The following ORC4 variants were observed in gnomAD, a reference collection of about 807,000 sequenced individuals.
ORC4 encodes the protein origin recognition complex subunit 4.
Under a neutral mutation model 63.9 loss-of-function variants are expected in ORC4, and 55 were observed. The observed-to-expected ratio is 0.86, with a 90% confidence interval of 0.69 to 1.08. The LOEUF (loss-of-function observed/expected upper bound fraction) is 1.08, where lower values mean the gene tolerates loss of function less well. Among genes scored for constraint, ORC4 ranks in the 50% least tolerant of loss-of-function variants. The pLI is 0.00. For missense variants in ORC4, 511 were observed against 504.4 expected, an observed-to-expected ratio of 1.01 and a Z score of -0.13; for synonymous variants, 150 against 168.5, an observed-to-expected ratio of 0.89 and a Z score of 0.85.
rs1687817200 is a variant in ORC4, at chr2:147,932,372, C to T, written c.*3138G>A. 1 of 152,038 alleles carries T rather than the reference C, an allele frequency of 6.6e-6. No individual in the cohort carries two copies. The highest frequency in any genetic ancestry group is 1.5e-5 in the Non-Finnish European group (1 of 68,024). 9.4% of individuals were successfully genotyped at this position (152,038 alleles called of 1,614,324 possible). On this transcript the variant is annotated 3_prime_UTR_variant, in exon 14 of 14. Transcript: ENST00000392857. ...GAAGAATCAATATTGTGAAAATGGC[C>T]ATACTGCCCAAGGTAATTTACAGAT...
chr2:147,966,455 G>T (rs1481093836), intron 4 of ORC4, among the ~76,000 whole-genome samples: 1 of 151,768 alleles, frequency 6.6e-6, no homozygotes, highest in Admixed American at 6.6e-5. Flanking sequence ...AAAAATCACT[G>T]AAACAAAAGT....
intron 1 of ORC4, among the ~76,000 whole-genome samples, chr2:148,013,478 TTAGA>T (rs1022991735): frequency 8.5e-5 from 13 of 152,064 alleles, no homozygotes; most frequent in Admixed American, 2.0e-4. Context: ...AAAAATATAG[TTAGA>T]TAGAAGGAAT....
intron 10 of ORC4, among the ~76,000 whole-genome samples, chr2:147,940,407 G>A (rs1340443464): frequency 6.6e-6 from 1 of 151,976 alleles, no homozygotes; most frequent in African/African-American, 2.4e-5. Flanking sequence ...CCACTACAGG[G>A]CATCTACCCA....
intron 13 of ORC4, chr2:147,936,531 G>A (rs1688059893): frequency 6.6e-6 from 1 of 151,990 alleles, no homozygotes; most frequent in African/African-American, 2.4e-5. Context: ...AAACATCACT[G>A]GAACATATTC....
chr2:147,962,847 C>T (rs1689678357), intron 4 of ORC4, among the ~76,000 whole-genome samples: 1 of 152,100 alleles, frequency 6.6e-6, no homozygotes, highest in Non-Finnish European at 1.5e-5. Context: ...GTCCTGTGCC[C>T]ACAATCAGAG....
chr2:147,941,289 T>C (rs568741662), intron 10 of ORC4, among the ~76,000 whole-genome samples: 2 of 152,136 alleles, frequency 1.3e-5, no homozygotes, highest in East Asian at 3.9e-4. Context: ...TAAACAAGAC[T>C]GCAATAAACA....
Position 147,992,401 on chromosome 2 carries a change from T to A in ORC4, c.-17-16426A>T, listed in dbSNP as rs73005167. ...CCTCCTAAATAGCTGGGATTACAAG[T>A]GTGAGGTACTGCCCCTGACAAAAAT... On this transcript the variant is annotated intron_variant, in intron 1 of 13. Transcript: ENST00000392857. Among the ~76,000 whole-genome samples, 993 of 152,174 alleles carry A rather than the reference T, an allele frequency of 6.5e-3. 9 individuals carry two copies. The highest frequency in any genetic ancestry group is 0.023 in the African/African-American group (956 of 41,516).
At chr2:148,019,711 C>A (rs953284744) in intron 1 of ORC4, among the ~76,000 whole-genome samples, 1 of 152,198 alleles carries the variant, frequency 6.6e-6, no homozygotes, top group Non-Finnish European at 1.5e-5. Flanking sequence ...TTCAAAATAT[C>A]TTTACAAAAC....
intron 1 of ORC4, among the ~76,000 whole-genome samples, chr2:147,989,786 GT>G (rs1691469383): frequency 6.6e-6 from 1 of 152,046 alleles, no homozygotes; most frequent in Non-Finnish European, 1.5e-5. Flanking sequence ...TTTATATCAA[GT>G]TTTTCTTAGT....
chr2:148,002,822 G>A (rs951122802), intron 1 of ORC4, among the ~76,000 whole-genome samples: 4 of 152,130 alleles, frequency 2.6e-5, no homozygotes, highest in African/African-American at 9.7e-5. Context: ...AATGAATCCA[G>A]GAGCTGCTTT....
chr2:147,998,181 A>C (rs903719472), intron 1 of ORC4, among the ~76,000 whole-genome samples: 2 of 152,238 alleles, frequency 1.3e-5, no homozygotes, highest in Admixed American at 1.3e-4. Context: ...CAATACAAAA[A>C]AGAAACAAAG....
At chr2:147,981,704 G>GA (rs1343975783) in intron 1 of ORC4, among the ~76,000 whole-genome samples, 5 of 148,694 alleles carry the variant, frequency 3.4e-5, no homozygotes, top group African/African-American at 7.5e-5. Flanking sequence ...TCATCAATTA[G>GA]AAAAAAAACA....
At chr2:147,988,026 C>G (rs1302988228) in intron 1 of ORC4, among the ~76,000 whole-genome samples, 1 of 147,298 alleles carries the variant, frequency 6.8e-6, no homozygotes, top group Non-Finnish European at 1.5e-5. Context: ...GCACTCCAGC[C>G]TGGGCAACAG....
chr2:147,938,738 T>G (rs1302191602), intron 11 of ORC4: 11 of 333,178 alleles, frequency 3.3e-5, no homozygotes, highest in South Asian at 2.2e-4. Context: ...TTGCGTAGGA[T>G]TTATCTAGAG....
intron 1 of ORC4, among the ~76,000 whole-genome samples, chr2:147,976,830 A>G (rs996440635): frequency 3.9e-5 from 6 of 152,184 alleles, no homozygotes; most frequent in African/African-American, 7.2e-5. Flanking sequence ...TAAGCATTGT[A>G]GCATAATGCC....
At chr2:148,002,289 C>T (rs1332254471) in intron 1 of ORC4, among the ~76,000 whole-genome samples, 1 of 152,164 alleles carries the variant, frequency 6.6e-6, no homozygotes, top group African/African-American at 2.4e-5. Flanking sequence ...GAACTCTCCA[C>T]CCCAAATCAA....
chr2:147,946,700 C>T (rs576604314), intron 9 of ORC4, among the ~76,000 whole-genome samples: 1 of 151,836 alleles, frequency 6.6e-6, no homozygotes, highest in Non-Finnish European at 1.5e-5. Flanking sequence ...TTTTTACATA[C>T]AATTATGTAT....
rs533705557 is a variant in ORC4 at position 147,934,425 on chromosome 2, T to G, written c.*1085A>C. 6.6e-6 allele frequency: 1 copy of G among 152,320 alleles called. No homozygotes were observed. Among genetic ancestry groups the G allele is most frequent in the East Asian group, 1.9e-4 (1 of 5,182 alleles). 9.4% of individuals were successfully genotyped at this position (152,320 alleles called of 1,614,324 possible). A position where few individuals can be genotyped will look rare whatever the true frequency, so the allele number is the denominator to read the frequency against. The stretch of plus-strand genomic sequence containing the variant: ...CCACATTCCTCATAGGGATTTACTT[T>G]TTAATACAAACAGGTTCAGTTAACA... On this transcript the variant is annotated 3_prime_UTR_variant, in exon 14 of 14. Coordinates refer to ENST00000392857, the MANE Select transcript of ORC4 (RefSeq NM_181741.4).
rs368356465 is a variant in ORC4 at position 147,933,017 on chromosome 2, A to G, written c.*2493T>C. The G allele has an allele frequency of 5.3e-5, 8 of 152,056 alleles. No homozygotes were observed. In the East Asian group the frequency reaches 1.5e-3, roughly 29 times the overall value. 9.4% of individuals were successfully genotyped at this position (152,056 alleles called of 1,614,324 possible). A position where few individuals can be genotyped will look rare whatever the true frequency, so the allele number is the denominator to read the frequency against. Reference sequence around the variant, plus strand: ...GTATTCATTCCCCAGAGCCTTTCACATGCACGAGAATCAGTCATTTTAACA... The same window carrying G: ...GTATTCATTCCCCAGAGCCTTTCACGTGCACGAGAATCAGTCATTTTAACA... On this transcript the variant is annotated 3_prime_UTR_variant, in exon 14 of 14. Coordinates refer to ENST00000392857, the MANE Select transcript of ORC4 (RefSeq NM_181741.4).
Sources: gnomAD v4.1 joint callset for allele counts (sites outside exome capture counted in the v4.1 genomes callset) on GRCh38, gnomAD v4.1.1 for gene constraint, MANE v1.5 for transcripts, NCBI Gene and HGNC (gene_info 2026-07-23, HGNC 2026-07-21) for gene names.